Variants in RDH14 observed in about 807,000 individuals in gnomAD.
RDH14 encodes retinol dehydrogenase 14.
In RDH14, 17 loss-of-function variants were observed where a neutral mutation model predicts 19.3. The observed-to-expected ratio is 0.88, with a 90% CI of 0.60 to 1.32. RDH14 has a LOEUF of 1.32. RDH14 is among the 40% of genes most tolerant of loss of function. The pLI, the probability that RDH14 is intolerant of heterozygous loss-of-function variation, is 0.00. For synonymous variants in RDH14, 215 were observed against 188.9 expected, an observed-to-expected ratio of 1.14 and a Z score of -1.13; for missense variants, 534 against 449.2, an observed-to-expected ratio of 1.19 and a Z score of -1.71.
chr2:18,560,222 G>C lies in RDH14; in HGVS notation c.351C>G (p.Ala117=). 1 of 1,527,802 alleles carries C rather than the reference G, an allele frequency of 6.5e-7. No individual in the cohort carries two copies. 94.6% of individuals were successfully genotyped at this position (1,527,802 alleles called of 1,614,324 possible). ...GELIVRELDL[A]SLRSVRAFCQ... ...AGAAGGCGCGCACCGAGCGCAGCGA[G>C]GCGAGGTCCAGCTCCCGGACTATGA... The change falls in exon 1 of 2, where the codon GCC becomes GCG. Residue 117 remains alanine, a synonymous_variant. Coordinates refer to ENST00000381249, the MANE Select transcript of RDH14 (RefSeq NM_020905.4).
At chr2:18,559,912 GTTTA>G (rs1305439495) in intron 1 of RDH14, among the ~76,000 whole-genome samples, 4 of 152,122 alleles carry the variant, frequency 2.6e-5, no homozygotes, top group African/African-American at 2.4e-5. Context: ...TCAGAAACTG[GTTTA>G]TTTATTTTTC....
chr2:18,556,210 T>C (rs1361132552), intron 1 of RDH14, among the ~76,000 whole-genome samples: 1 of 152,180 alleles, frequency 6.6e-6, no homozygotes, highest in Non-Finnish European at 1.5e-5. Context: ...AACTTTAACA[T>C]TGCATTAGAA....
rs1391309954 is a variant in RDH14 at position 18,555,792 on chromosome 2, T to A, written c.410A>T (p.Asp137Val). ...GATCCCTGCGTTATTGATCAAGACATCCAGCCTAGGCTCTTCCTTTAAATG... is the reference window on the plus strand; with the variant it reads ...GATCCCTGCGTTATTGATCAAGACAACCAGCCTAGGCTCTTCCTTTAAATG... ...QEMLQEEPRL[D>V]VLINNAGIFQ... Residue 137 changes from aspartate (D) to valine (V), a missense_variant, in exon 2 of 2, where the codon GAT becomes GTT. By Grantham distance (152) the Asp-to-Val change is radical. Transcript: ENST00000381249. The A allele has an allele frequency of 6.2e-7, 1 of 1,610,582 alleles. No individual in the cohort carries two copies. The highest frequency in any genetic ancestry group is 1.3e-5 in the African/African-American group (1 of 74,968).
chr2:18,557,561 T>G (rs1228064512), intron 1 of RDH14, among the ~76,000 whole-genome samples: 1 of 152,214 alleles, frequency 6.6e-6, no homozygotes, highest in Non-Finnish European at 1.5e-5. Context: ...ATTTTAAAAT[T>G]TTGTCATTTA....
rs1035022071 is a variant in RDH14, at chr2:18,559,109, T to C, written c.393+1071A>G. On this transcript the variant is annotated intron_variant, in intron 1 of 1. Coordinates refer to ENST00000381249, the MANE Select transcript of RDH14 (RefSeq NM_020905.4). ...CATCATGAAAAAATTACTGAGAAAA[T>C]TTGGGAACCTCTTCTCTAGACTCAA... 1.3e-4 allele frequency among the ~76,000 whole-genome samples: 20 copies of C among 152,144 alleles called. 1 individual carries two copies. The highest frequency in any genetic ancestry group is 5.2e-4 in the Admixed American group (8 of 15,278).
In RDH14 at chr2:18,560,605, G is replaced by A. The variant is rs1240161576; in HGVS notation, c.-33C>T. ...CCCGAGGGCCCACCGGCCCCTCCAC[G>A]GGAGTTCCGCAGCCGCCGCCTTACC... On this transcript the variant is annotated 5_prime_UTR_variant, in exon 1 of 2. Transcript: ENST00000381249. 2.9e-6 allele frequency: 4 copies of A among 1,392,178 alleles called. No homozygotes were observed. The highest frequency in any genetic ancestry group is 3.6e-5 in the Admixed American group (1 of 27,806). 86.2% of individuals were successfully genotyped at this position (1,392,178 alleles called of 1,614,324 possible).
intron 1 of RDH14, among the ~76,000 whole-genome samples, chr2:18,559,958 G>A (rs915932916): frequency 5.3e-5 from 8 of 152,144 alleles, no homozygotes; most frequent in Non-Finnish European, 5.9e-5. Context: ...GACATCCTTA[G>A]AGGACAGAAG....
At chr2:18,557,418 A>G (rs905562100) in intron 1 of RDH14, among the ~76,000 whole-genome samples, 6 of 152,338 alleles carry the variant, frequency 3.9e-5, no homozygotes, top group Non-Finnish European at 7.3e-5. Flanking sequence ...TGGGTTTTCC[A>G]ATAGTCAACT....
At chr2:18,559,224 C>G (rs991009290) in intron 1 of RDH14, among the ~76,000 whole-genome samples, 1 of 152,202 alleles carries the variant, frequency 6.6e-6, no homozygotes, top group Non-Finnish European at 1.5e-5. Context: ...GCCAGTTATC[C>G]CTGCAAGAAA....
Position 18,555,609 on chromosome 2 carries a change from C to T in RDH14, c.593G>A (p.Gly198Glu), listed in dbSNP as rs1663891477. Residue 198 changes from glycine (G) to glutamate (E), a missense_variant, in exon 2 of 2, where the codon GGA (glycine) becomes GAA (glutamate). Physicochemically the swap from Gly to Glu is moderately conservative, Grantham distance 98. Transcript: ENST00000381249. ...VVVSSKLYKY[G>E]DINFDDLNSE... The stretch of plus-strand genomic sequence containing the variant: ...GTTCAAGTCATCAAAATTGATGTCT[C>T]CGTATTTATAAAGTTTGGAAGAAAC... The T allele has an allele frequency of 1.2e-6, 2 of 1,614,012 alleles. No homozygotes were observed. The highest frequency in any genetic ancestry group is 3.3e-5 in the Admixed American group (2 of 60,018).
At chr2:18,556,738 A>G (rs1159904353) in intron 1 of RDH14, among the ~76,000 whole-genome samples, 1 of 152,232 alleles carries the variant, frequency 6.6e-6, no homozygotes, top group Non-Finnish European at 1.5e-5. Flanking sequence ...GAGGCAATGA[A>G]AGCTAGACAG....
chr2:18,555,982 T>A (rs2148052167), intron 1 of RDH14, among the ~76,000 whole-genome samples, 174 bp from the exon 2 acceptor site: 1 of 152,342 alleles, frequency 6.6e-6, no homozygotes, highest in East Asian at 1.9e-4. Context: ...CAATTTTGTG[T>A]TTAATAAATG....
chr2:18,556,315 T>C (rs994615632), intron 1 of RDH14, among the ~76,000 whole-genome samples: 2 of 152,212 alleles, frequency 1.3e-5, no homozygotes, highest in Non-Finnish European at 2.9e-5. Context: ...TTTCTCCCTT[T>C]AATTTCAGTT....
intron 1 of RDH14, among the ~76,000 whole-genome samples, chr2:18,556,725 A>G (rs1420875840): frequency 6.6e-6 from 1 of 152,234 alleles, no homozygotes; most frequent in Non-Finnish European, 1.5e-5. Context: ...CAAAACAGCT[A>G]GAGAGGCAAT....
At chr2:18,557,034 A>G (rs891571109) in intron 1 of RDH14, among the ~76,000 whole-genome samples, 1 of 152,224 alleles carries the variant, frequency 6.6e-6, no homozygotes, top group Admixed American at 6.5e-5. Context: ...TATCCAGCGT[A>G]AAGGGGACTC....
chr2:18,560,621 C>T lies in RDH14; in HGVS notation c.-49G>A, dbSNP rs969204726. 1.4e-6 allele frequency: 2 copies of T among 1,384,392 alleles called. No individual in the cohort carries two copies. Among genetic ancestry groups the T allele is most frequent in the Non-Finnish European group, 1.9e-6 (2 of 1,079,164 alleles). The allele number at this position is 1,384,392 out of a possible 1,614,324, so 85.8% of individuals were successfully genotyped here. Reference sequence around the variant, plus strand: ...CCCCTCCACGGGAGTTCCGCAGCCGCCGCCTTACCGGAACCCAAGAGACCA... The same window carrying T: ...CCCCTCCACGGGAGTTCCGCAGCCGTCGCCTTACCGGAACCCAAGAGACCA... On this transcript the variant is annotated 5_prime_UTR_variant, in exon 1 of 2. Transcript: ENST00000381249.
rs377520259 is a variant in RDH14 at position 18,555,640 on chromosome 2, C to T, written c.562G>A (p.Val188Met). The change falls in exon 2 of 2, where the codon GTG becomes ATG. Residue 188 changes from valine (V) to methionine (M), a missense_variant. Transcript: ENST00000381249. ...LLKSSAPSRIVVVSSKLYKYG... is the reference protein window; with the variant it reads ...LLKSSAPSRIMVVSSKLYKYG... ...TTATAAAGTTTGGAAGAAACTACCA[C>T]AATCCTGCTGGGAGCTGAACTTTTG... The T allele has an allele frequency of 2.5e-6, 4 of 1,613,982 alleles. No homozygotes were observed. The African/African-American group carries it at 5.3e-5, about 22-fold the overall frequency.
Position 18,555,424 on chromosome 2 carries a change from T to G in RDH14, c.778A>C (p.Ile260Leu), listed in dbSNP as rs1479628544. 1 of 1,614,160 alleles carries G rather than the reference T, an allele frequency of 6.2e-7. No homozygotes were observed. Among genetic ancestry groups the G allele is most frequent in the East Asian group, 2.2e-5 (1 of 44,882 alleles). Residue 260 changes from isoleucine (I) to leucine (L), a missense_variant, in exon 2 of 2, where the codon ATT becomes CTT. Transcript: ENST00000381249. The stretch of plus-strand genomic sequence containing the variant: ...AAGAGTGGTTTGACCAACAGTGGAA[T>G]GTGTATGTGCCTCCCCAGATTTGTC... ...VRTNLGRHIH[I>L]PLLVKPLFNL...
rs780348222 is a variant in RDH14 at position 18,555,391 on chromosome 2, C to T, written c.811G>A (p.Val271Met). The change falls in exon 2 of 2, where the codon GTG becomes ATG. Residue 271 changes from valine (V) to methionine (M), a missense_variant. Physicochemically the swap from Val to Met is conservative, Grantham distance 21. Transcript: ENST00000381249. ...PLLVKPLFNL[V>M]SWAFFKTPVE... is the part of the protein sequence containing the mutation. Reference sequence around the variant, plus strand: ...GGAGTTTTGAAAAAAGCCCATGACACCAAATTGAAGAGTGGTTTGACCAAC... The same window carrying T: ...GGAGTTTTGAAAAAAGCCCATGACATCAAATTGAAGAGTGGTTTGACCAAC... 1.2e-6 allele frequency: 2 copies of T among 1,614,034 alleles called. No individual in the cohort carries two copies. The highest frequency in any genetic ancestry group is 2.2e-5 in the South Asian group (2 of 91,084).
Sources: allele counts gnomAD v4.1 joint callset (sites outside exome capture counted in the v4.1 genomes callset), GRCh38; gene constraint gnomAD v4.1.1; transcripts MANE v1.5; gene names NCBI Gene and HGNC (gene_info 2026-07-23, HGNC 2026-07-21).